TTN: variants seen among roughly 807,000 people sequenced by gnomAD.
TTN encodes the protein titin.
A neutral mutation model predicts 3,223.0 loss-of-function variants in TTN; 1,525 were observed. The observed-to-expected ratio is 0.47, with a 90% CI of 0.45 to 0.49. The LOEUF is 0.49. Ranked by LOEUF, TTN falls within the 20% of genes least tolerant of loss-of-function variation. TTN has a pLI of 0.00. For synonymous variants in TTN, 14,094 were observed against 15,161.0 expected (o/e 0.93, Z 5.17); for missense variants, 40,786 against 43,424.0 (o/e 0.94, Z 5.40).
In TTN at chr2:178,636,922, A is replaced by G; in HGVS notation, c.40928-123T>C. The G allele has an allele frequency of 1.7e-6, 2 of 1,163,312 alleles. No individual in the cohort carries two copies. The highest frequency in any genetic ancestry group is 1.5e-5 in the African/African-American group (1 of 64,836). The allele number at this position is 1,163,312 out of a possible 1,614,324, so 72.1% of individuals were successfully genotyped here. On this transcript the variant is annotated intron_variant, in intron 224 of 362. Coordinates refer to ENST00000589042, the MANE Select transcript of TTN (RefSeq NM_001267550.2). The surrounding 1 kb of genome is among the most constrained non-coding windows in gnomAD (Gnocchi z 4.3). ...TTAGAAGACGAGAAAACTAAAGACC[A>G]GGCAATTGAAAGGCCAATTGAGTTT...
chr2:178,541,417 C>T lies in TTN; in HGVS notation c.97660G>A (p.Val32554Met). The part of the protein sequence containing the change: ...DRWVRVNKVP[V>M]TMTRYRSTGL... ...GTGGAGCGGTACCGTGTCATTGTCACAGGTACTTTATTTACACGGACCCAT... is the reference window on the plus strand; with the variant it reads ...GTGGAGCGGTACCGTGTCATTGTCATAGGTACTTTATTTACACGGACCCAT... Residue 32554 changes from valine to methionine, a missense_variant, in exon 350 of 363, where the codon GTG becomes ATG. Val to Met is a conservative substitution (Grantham distance 21). Transcript: ENST00000589042. The T allele has an allele frequency of 6.2e-7, 1 of 1,613,310 alleles. No homozygotes were observed. Among genetic ancestry groups the T allele is most frequent in the Non-Finnish European group, 8.5e-7 (1 of 1,179,520 alleles).
intron 257 of TTN, among the ~76,000 whole-genome samples, chr2:178,616,206 G>C (rs1371901747): frequency 6.6e-6 from 1 of 151,746 alleles, no homozygotes; most frequent in Non-Finnish European, 1.5e-5. Flanking sequence ...GGTACATATT[G>C]GGTACTTAGC....
Position 178,591,581 on chromosome 2 carries a change from T to G in TTN, c.60220+18A>C, listed in dbSNP as rs781596826. 2 of 1,608,232 alleles carry G rather than the reference T, an allele frequency of 1.2e-6. No homozygotes were observed. Among genetic ancestry groups the G allele is most frequent in the Non-Finnish European group, 1.7e-6 (2 of 1,178,410 alleles). On this transcript the variant is annotated intron_variant, in intron 303 of 362. Transcript: ENST00000589042. ...ATTTTAAAAAGAAATAAGGTAATAC[T>G]GCTAGTCCAAAAATTACCTAGTTTT...
chr2:178,714,710 A>C, intron 90 of TTN, 137 bp from the exon 91 acceptor site: 2 of 1,037,848 alleles, frequency 1.9e-6, no homozygotes, highest in Non-Finnish European at 2.7e-6. Context: ...GGATGCGAGC[A>C]GGGACACATT....
chr2:178,688,910 G>T, intron 125 of TTN, 132 bp from the exon 126 acceptor site: 3 of 1,129,462 alleles, frequency 2.7e-6, no homozygotes, highest in Non-Finnish European at 3.9e-6. Flanking sequence ...CATATCACAA[G>T]GACATAAACA....
At position 178,665,773 on chromosome 2, in the gene TTN, T is replaced by A; in HGVS notation, c.35894A>T (p.Glu11965Val). Reference protein sequence around the residue: ...PSPTVPESPREIVPVKETPMA... With the variant: ...PSPTVPESPRVIVPVKETPMA... Reference sequence around the variant, plus strand: ...GGGTGTTTCCTTTACAGGGACAATTTCTCGAGGTGATTCAGGCACTTTAAA... The same window carrying A: ...GGGTGTTTCCTTTACAGGGACAATTACTCGAGGTGATTCAGGCACTTTAAA... Residue 11965 changes from glutamate (E) to valine (V), a missense_variant, in exon 164 of 363, where the codon GAA becomes GTA. Transcript: ENST00000589042. The A allele has an allele frequency of 7.7e-7, 1 of 1,294,674 alleles. No individual in the cohort carries two copies. The highest frequency in any genetic ancestry group is 9.7e-7 in the Non-Finnish European group (1 of 1,026,240). 80.2% of individuals were successfully genotyped at this position (1,294,674 alleles called of 1,614,324 possible).
rs761644963 is a variant in TTN, at chr2:178,532,588, G to C, written c.104027C>G (p.Thr34676Arg). ...TTCAAGACGCAGCCTCTCTTCCTCTGTTCTTTTCATTGCTAAGTAGTCATC... is the reference window on the plus strand; with the variant it reads ...TTCAAGACGCAGCCTCTCTTCCTCTCTTCTTTTCATTGCTAAGTAGTCATC... ...PIDDYLAMKR[T>R]EEERLRLEEE... is the part of the protein sequence containing the mutation. Residue 34676 changes from threonine (T) to arginine (R), a missense_variant, in exon 358 of 363, where the codon ACA (threonine) becomes AGA (arginine). Coordinates refer to ENST00000589042, the MANE Select transcript of TTN (RefSeq NM_001267550.2). 8 of 1,613,896 alleles carry C rather than the reference G, an allele frequency of 5.0e-6. No individual in the cohort carries two copies. The highest frequency in any genetic ancestry group is 1.6e-4 in the Middle Eastern group (1 of 6,062).
rs794729392 is a variant in TTN at position 178,598,856 on chromosome 2, CA to C, written c.56853del (p.Gly18952ValfsTer46). 1 of 1,613,244 alleles carries C rather than the reference CA, an allele frequency of 6.2e-7. No individual in the cohort carries two copies. Among genetic ancestry groups the C allele is most frequent in the Non-Finnish European group, 8.5e-7 (1 of 1,179,486 alleles). On this transcript the variant is annotated frameshift_variant, in exon 291 of 363. Transcript: ENST00000589042. LOFTEE classifies it high-confidence loss of function. ...AMTLGVSYKVTGLIEGSDYQF... is the reference protein window; with the variant it reads ...AMTLGVSYKVXGLIEGSDYQF... ...TGATAGTCGGAACCTTCAATAAGAC[CA>C]GTCACTTTATAAGAAACACCCAAAG...
In TTN at chr2:178,568,886, G is replaced by A; in HGVS notation, c.77246C>T (p.Ala25749Val). Residue 25749 changes from alanine to valine, a missense_variant, in exon 326 of 363, where the codon GCT (alanine) becomes GTT (valine). Ala to Val is a moderately conservative substitution (Grantham distance 64). Coordinates refer to ENST00000589042, the MANE Select transcript of TTN (RefSeq NM_001267550.2). ...AKHSEKWSEC[A>V]RVKSLQAVIT... Reference sequence around the variant, plus strand: ...TACTGCCTGAAGAGACTTTACTCGAGCACACTCTGACCATTTCTCACTGTG... The same window carrying A: ...TACTGCCTGAAGAGACTTTACTCGAACACACTCTGACCATTTCTCACTGTG... The A allele has an allele frequency of 6.2e-7, 1 of 1,613,018 alleles. No homozygotes were observed.
At chr2:178,765,008 A>G (rs2090111210) in intron 41 of TTN, among the ~76,000 whole-genome samples, 197 bp from the exon 42 acceptor site, 1 of 152,220 alleles carries the variant, frequency 6.6e-6, no homozygotes, top group South Asian at 2.1e-4. Context: ...ATTTGTCCAC[A>G]TGCAGAGGGA....
chr2:178,602,095 A>G lies in TTN; in HGVS notation c.55176T>C (p.Ala18392=). ...CAGCAGGAATCCTAATCTGTGAGCC[A>G]GCTTTACAAACCAGACAGTCCTGTG... ...IGAQDCLVCK[A]GSQIRIPAVI... The change falls in exon 284 of 363, where the codon GCT becomes GCC. Residue 18392 remains alanine (A), a synonymous_variant. Coordinates refer to ENST00000589042, the MANE Select transcript of TTN (RefSeq NM_001267550.2). 6.2e-7 allele frequency: 1 copy of G among 1,612,652 alleles called. No individual in the cohort carries two copies. Among genetic ancestry groups the G allele is most frequent in the Non-Finnish European group, 8.5e-7 (1 of 1,179,212 alleles).
intron 100 of TTN, 42 bp downstream of exon 100, chr2:178,707,484 G>C (rs757152159): frequency 1.3e-6 from 2 of 1,543,332 alleles, no homozygotes; most frequent in South Asian, 2.6e-5. Flanking sequence ...AACATGAGTG[G>C]TTGCTGGCTT....
In TTN at chr2:178,724,315, G is replaced by T; in HGVS notation, c.21060C>A (p.Phe7020Leu). Residue 7020 changes from phenylalanine (F) to leucine (L), a missense_variant, in exon 72 of 363, where the codon TTC becomes TTA. Transcript: ENST00000589042. Reference protein sequence around the residue: ...VERQDAGTYTFQVQNNVGKSS... With the variant: ...VERQDAGTYTLQVQNNVGKSS... ...TTTTCCCAACATTATTTTGAACCTG[G>T]AAAGTGTATGTGCCTGCATCTTGCC... 1 of 1,613,524 alleles carries T rather than the reference G, an allele frequency of 6.2e-7. No individual in the cohort carries two copies. Among genetic ancestry groups the T allele is most frequent in the Non-Finnish European group, 8.5e-7 (1 of 1,179,624 alleles).
Position 178,714,401 on chromosome 2 carries a change from A to G in TTN, c.26373T>C (p.Ile8791=), listed in dbSNP as rs949446550. 25 of 1,613,678 alleles carry G rather than the reference A, an allele frequency of 1.5e-5. No individual in the cohort carries two copies. Among genetic ancestry groups the G allele is most frequent in the African/African-American group, 1.3e-5 (1 of 74,900 alleles). Residue 8791 remains isoleucine (I), a synonymous_variant, in exon 91 of 363, where the codon ATT becomes ATC. Coordinates refer to ENST00000589042, the MANE Select transcript of TTN (RefSeq NM_001267550.2). ...CCACTCTTGAAAACTGTAAGGTTGC[A>G]ATGTTTTCTGAATAAGAAATCCATA... ...DNIWISYSEN[I]ATLQFSRVEP...
chr2:178,699,894 A>AT (rs1251669959), intron 111 of TTN, among the ~76,000 whole-genome samples: 1 of 144,980 alleles, frequency 6.9e-6, no homozygotes, highest in African/African-American at 2.6e-5. Context: ...CGCCCGGCTA[A>AT]TTTTTTGTAT....
intron 241 of TTN, 51 bp downstream of exon 241, chr2:178,625,222 G>A: frequency 6.3e-7 from 1 of 1,580,718 alleles, no homozygotes; most frequent in Non-Finnish European, 8.6e-7. Flanking sequence ...AGTTGGCATT[G>A]TTCATGAGCC....
Position 178,537,421 on chromosome 2 carries a change from C to T in TTN, c.99786G>A (p.Lys33262=). 6.2e-7 allele frequency: 1 copy of T among 1,612,404 alleles called. No individual in the cohort carries two copies. Among genetic ancestry groups the T allele is most frequent in the Non-Finnish European group, 8.5e-7 (1 of 1,178,996 alleles). The change falls in exon 355 of 363, where the codon AAG becomes AAA. Residue 33262 remains lysine, a synonymous_variant. Transcript: ENST00000589042. ...THLVMKNVQR[K]THAGKYKVQL... ...GGACTTTGTATTTCCCAGCATGAGTCTTACGTTGGACATTCTTCATGACAA... is the reference window on the plus strand; with the variant it reads ...GGACTTTGTATTTCCCAGCATGAGTTTTACGTTGGACATTCTTCATGACAA...
intron 354 of TTN, 28 bp from the exon 355 acceptor site, chr2:178,537,945 T>C (rs372379623): frequency 4.7e-5 from 71 of 1,519,388 alleles, no homozygotes; most frequent in Admixed American, 1.1e-4. Context: ...TAATATTAAG[T>C]GACTGTTAAT....
In TTN at chr2:178,684,025, T is replaced by C. The variant is rs373657520; in HGVS notation, c.32780A>G (p.Lys10927Arg). Residue 10927 changes from lysine to arginine, a missense_variant, in exon 133 of 363, where the codon AAA becomes AGA. Lys to Arg is a conservative substitution (Grantham distance 26). Coordinates refer to ENST00000589042, the MANE Select transcript of TTN (RefSeq NM_001267550.2). ...PEEKVLKLKP[K>R]REEEPPAKVT... ...TTTAGCTGGTGGTTCCTCCTCTCTT[T>C]TAGGTTTGAGTTTCAGAACTTTTTC... 44 of 1,611,656 alleles carry C rather than the reference T, an allele frequency of 2.7e-5. No homozygotes were observed. In the African/African-American group the frequency reaches 5.7e-4, roughly 21 times the overall value.
Sources: gnomAD v4.1 joint callset for allele counts (sites outside exome capture counted in the v4.1 genomes callset) on GRCh38, gnomAD v4.1.1 for gene constraint, Gnocchi (gnomAD v3.1) non-coding constraint, MANE v1.5 for transcripts, NCBI Gene and HGNC (gene_info 2026-07-23, HGNC 2026-07-21) for gene names.